MS4A7: variants seen among roughly 807,000 people sequenced by gnomAD.
MS4A7 encodes membrane spanning 4-domains A7, also known as membrane-spanning 4-domains subfamily A member 7.
Under a neutral mutation model 23.5 loss-of-function variants are expected in MS4A7, and 21 were observed. The ratio of observed to expected loss-of-function variants is 0.89; its 90% CI spans 0.63 to 1.29. The LOEUF is 1.29. MS4A7 is among the 50% of genes most tolerant of loss of function. The pLI is 0.00. For missense variants in MS4A7, 263 were observed against 274.2 expected, an observed-to-expected ratio of 0.96 and a Z score of 0.29; for synonymous variants, 111 against 107.4, an observed-to-expected ratio of 1.03 and a Z score of -0.21.
At chr11:60,387,507 G>C (rs1181012555) in intron 4 of MS4A7, among the ~76,000 whole-genome samples, 5 of 152,140 alleles carry the variant, frequency 3.3e-5, no homozygotes, top group Admixed American at 3.3e-4. Flanking sequence ...GGCTGGAGGA[G>C]ACTATTTCCA....
chr11:60,380,559 G>C (rs1296367841), intron 1 of MS4A7, among the ~76,000 whole-genome samples: 1 of 152,200 alleles, frequency 6.6e-6, no homozygotes, highest in Non-Finnish European at 1.5e-5. Context: ...CTAGCTTCAG[G>C]CTGAGAATCA....
intron 1 of MS4A7, 75 bp from the exon 2 acceptor site, chr11:60,383,054 A>T: frequency 6.7e-7 from 1 of 1,495,346 alleles, no homozygotes; most frequent in Non-Finnish European, 9.1e-7. Context: ...AAGTTCCTAC[A>T]AAGTATGGTC....
At chr11:60,383,072 AGTTTATGTCT>A (rs2085447096) in intron 1 of MS4A7, 47 bp from the exon 2 acceptor site, 1 of 1,562,706 alleles carries the variant, frequency 6.4e-7, no homozygotes, top group Non-Finnish European at 8.7e-7. Flanking sequence ...GTCCCTGGGA[AGTTTATGTCT>A]GTAAGTCAAA....
chr11:60,386,005 G>A (rs760547227), intron 3 of MS4A7, among the ~76,000 whole-genome samples: 77 of 152,156 alleles, frequency 5.1e-4, no homozygotes, highest in Non-Finnish European at 9.1e-4. Context: ...ATTTGTCCTT[G>A]ACTTCTCCTG....
At chr11:60,393,273 G>T (rs1419886803) in intron 6 of MS4A7, among the ~76,000 whole-genome samples, 1 of 152,180 alleles carries the variant, frequency 6.6e-6, no homozygotes, top group Non-Finnish European at 1.5e-5. Context: ...AACCCCTCAT[G>T]AAAGAACCAC....
intron 5 of MS4A7, among the ~76,000 whole-genome samples, chr11:60,390,732 C>T (rs569797015): frequency 2.0e-4 from 31 of 152,232 alleles, no homozygotes; most frequent in African/African-American, 7.0e-4. Flanking sequence ...CATTCTGAGA[C>T]AACTGGAGTC....
At chr11:60,389,719 A>C (rs1030030315) in intron 5 of MS4A7, 123 bp downstream of exon 5, 2 of 878,398 alleles carry the variant, frequency 2.3e-6, no homozygotes, top group Non-Finnish European at 3.7e-6. Context: ...GACAGAAATA[A>C]ACAAAAACTT....
chr11:60,389,389 G>A lies in MS4A7; in HGVS notation c.340-1G>A. On this transcript the variant is annotated splice_acceptor_variant, in intron 4 of 6. Transcript: ENST00000300184. LOFTEE classifies it high-confidence loss of function. ...AACCCAATGCAGAGTTTCTCTTCCA[G>A]GACCTGAGCAGCTTGACCTCAAATG... is the stretch of plus-strand genomic sequence containing the variant. 1 of 1,607,360 alleles carries A rather than the reference G, an allele frequency of 6.2e-7. No homozygotes were observed. Among genetic ancestry groups the A allele is most frequent in the Non-Finnish European group, 8.5e-7 (1 of 1,176,666 alleles).
At chr11:60,384,995 A>ACTT in intron 2 of MS4A7, 93 bp from the exon 3 acceptor site, 1 of 1,198,536 alleles carries the variant, frequency 8.3e-7, no homozygotes. Context: ...ATTATAATGT[A>ACTT]TTTTATACTC....
At chr11:60,389,905 T>A in intron 5 of MS4A7, 1 of 289,156 alleles carries the variant, frequency 3.5e-6, no homozygotes, top group South Asian at 4.4e-5. Context: ...GTTGTACTCA[T>A]CACAGGCAGA....
At chr11:60,380,999 C>T (rs1282054708) in intron 1 of MS4A7, among the ~76,000 whole-genome samples, 2 of 152,206 alleles carry the variant, frequency 1.3e-5, no homozygotes, top group Non-Finnish European at 2.9e-5. Context: ...CTCTCCAAGC[C>T]TCATTTTTCT....
intron 2 of MS4A7, chr11:60,383,793 C>A (rs963608143): frequency 1.3e-5 from 2 of 152,250 alleles, no homozygotes; most frequent in Non-Finnish European, 2.9e-5. Context: ...CCGCCTTGGC[C>A]TCCCAAAGTG....
chr11:60,392,100 A>G (rs893527877), intron 5 of MS4A7, among the ~76,000 whole-genome samples: 1 of 152,166 alleles, frequency 6.6e-6, no homozygotes, highest in African/African-American at 2.4e-5. Flanking sequence ...CAAGGAAACA[A>G]AGAGTGAAAT....
intron 6 of MS4A7, 108 bp from the exon 7 acceptor site, chr11:60,393,678 GT>G (rs1487088304): frequency 1.6e-6 from 1 of 617,208 alleles, no homozygotes; most frequent in Non-Finnish European, 2.7e-6. Flanking sequence ...TTATGGCAAA[GT>G]TGGAAGAACT....
rs1386016537 is a variant in MS4A7 at position 60,385,110 on chromosome 11, T to A, written c.170T>A (p.Leu57Gln). The change falls in exon 3 of 7, where the codon CTG (leucine) becomes CAG (glutamine). Residue 57 changes from leucine to glutamine, a missense_variant. Coordinates refer to ENST00000300184, the MANE Select transcript of MS4A7 (RefSeq NM_021201.5). ...TAGACTGTCCAGATCCTGTGTTGCC[T>A]GTTGATTTCAAGTCTGGGGGCCATC... ...VLGTVQILCC[L>Q]LISSLGAILV... 1 of 1,614,014 alleles carries A rather than the reference T, an allele frequency of 6.2e-7. No homozygotes were observed.
At chr11:60,389,360 T>G in intron 4 of MS4A7, 30 bp from the exon 5 acceptor site, 8 of 1,571,948 alleles carry the variant, frequency 5.1e-6, no homozygotes, top group African/African-American at 1.3e-5. Context: ...GATTCTGTGA[T>G]GAGAACCCAA....
Position 60,389,552 on chromosome 11 carries a change from A to G in MS4A7, c.502A>G (p.Ile168Val), listed in dbSNP as rs1456425563. The change falls in exon 5 of 7, where the codon ATA becomes GTA. Residue 168 changes from isoleucine to valine, a missense_variant. By Grantham distance (29) the Ile-to-Val change is conservative (BLOSUM62 3). Transcript: ENST00000300184. The stretch of plus-strand genomic sequence containing the variant: ...GCCTTATTCGGAGTACTATTATCCA[A>G]TATATGAAATCAAAGATTGTCTCCT... The part of the protein sequence containing the change: ...SLPYSEYYYP[I>V]YEIKDCLLTS... 4 of 1,614,056 alleles carry G rather than the reference A, an allele frequency of 2.5e-6. No homozygotes were observed. Among genetic ancestry groups the G allele is most frequent in the African/African-American group, 1.3e-5 (1 of 75,016 alleles).
rs2085612670 is a variant in MS4A7, at chr11:60,395,933, T to C, written c.*2072T>C. The C allele has an allele frequency of 6.6e-6, 1 of 152,120 alleles. No individual in the cohort carries two copies. The highest frequency in any genetic ancestry group is 2.1e-4 in the South Asian group (1 of 4,830). 9.4% of individuals were successfully genotyped at this position (152,120 alleles called of 1,614,324 possible). ...TTTGTCAAATATACCTCAATAAAGA[T>C]GGAAAAAAATCGAAATTCAAAGTTA... is the stretch of plus-strand genomic sequence containing the variant. On this transcript the variant is annotated 3_prime_UTR_variant, in exon 7 of 7. Transcript: ENST00000300184.
chr11:60,379,951 C>T (rs1388096120), intron 1 of MS4A7, among the ~76,000 whole-genome samples: 1 of 152,192 alleles, frequency 6.6e-6, no homozygotes, highest in Non-Finnish European at 1.5e-5. Flanking sequence ...ACTCCGTGCC[C>T]ATTAAACAAT....
Sources: allele counts gnomAD v4.1 joint callset (sites outside exome capture counted in the v4.1 genomes callset), GRCh38; gene constraint gnomAD v4.1.1; transcripts MANE v1.5; gene names NCBI Gene and HGNC (gene_info 2026-07-23, HGNC 2026-07-21).